Variants in NRXN1 observed in about 807,000 individuals in gnomAD.
The protein encoded by NRXN1 is neurexin-1.
A neutral mutation model predicts 150.9 loss-of-function variants in NRXN1; 39 were observed. The observed-to-expected ratio is 0.26, with a 90% CI of 0.20 to 0.34. The LOEUF (loss-of-function observed/expected upper bound fraction) is 0.34, where lower values mean the gene tolerates loss of function less well. Among genes scored for constraint, NRXN1 ranks in the 10% least tolerant of loss-of-function variants. The pLI, the probability that NRXN1 is intolerant of heterozygous loss-of-function variation, is 1.00. For missense variants in NRXN1, 1,815 were observed against 1,949.9 expected, an observed-to-expected ratio of 0.93 and a Z score of 1.30; for synonymous variants, 924 against 757.0, an observed-to-expected ratio of 1.22 and a Z score of -3.62.
intron 21 of NRXN1, among the ~76,000 whole-genome samples, chr2:49,976,433 G>A (rs1679004814): frequency 6.6e-6 from 1 of 152,056 alleles, no homozygotes; most frequent in African/African-American, 2.4e-5. Context: ...CTGAGACATA[G>A]TTTTATTAGG....
At chr2:50,923,940 C>G (rs150558495) in intron 3 of NRXN1, among the ~76,000 whole-genome samples, 296 of 151,824 alleles carry the variant, frequency 1.9e-3, no homozygotes, top group African/African-American at 6.9e-3. Context: ...AGTGTGATGC[C>G]TCTGAACTGT....
intron 22 of NRXN1, among the ~76,000 whole-genome samples, chr2:49,929,198 C>T (rs1319880562): frequency 1.3e-5 from 2 of 152,106 alleles, no homozygotes; most frequent in African/African-American, 4.8e-5. Context: ...AGAAACCCAA[C>T]TAGGACAGGC....
chr2:50,242,772 G>A (rs1017529206), intron 17 of NRXN1, among the ~76,000 whole-genome samples: 4 of 151,842 alleles, frequency 2.6e-5, no homozygotes, highest in South Asian at 2.1e-4. Context: ...TCTGGTGGGA[G>A]GGGCAGACAA....
intron 21 of NRXN1, among the ~76,000 whole-genome samples, chr2:49,987,009 G>C (rs1038421731): frequency 5.3e-5 from 8 of 151,816 alleles, no homozygotes; most frequent in Non-Finnish European, 1.2e-4. Context: ...AGGCTGCAGT[G>C]AGCCACTGCG....
chr2:50,489,501 C>T (rs1415089366), intron 15 of NRXN1, among the ~76,000 whole-genome samples: 1 of 139,474 alleles, frequency 7.2e-6, no homozygotes, highest in Non-Finnish European at 1.5e-5. Context: ...ATCTTCTGAG[C>T]TATGGTAAAG....
chr2:50,266,210 G>C (rs965909826), intron 17 of NRXN1, among the ~76,000 whole-genome samples: 1 of 149,118 alleles, frequency 6.7e-6, no homozygotes, highest in African/African-American at 2.4e-5. Context: ...TGTTGGCCGG[G>C]TTGGTCTTGA....
chr2:50,116,571 C>T (rs1703099538), intron 18 of NRXN1, among the ~76,000 whole-genome samples: 1 of 151,952 alleles, frequency 6.6e-6, no homozygotes, highest in Admixed American at 6.6e-5. Flanking sequence ...AGTAAGTTAC[C>T]AAAGTTGCTT....
At chr2:50,834,578 T>C (rs1671848538) in intron 5 of NRXN1, among the ~76,000 whole-genome samples, 1 of 152,166 alleles carries the variant, frequency 6.6e-6, no homozygotes, top group Admixed American at 6.5e-5. Flanking sequence ...GAATAATTGG[T>C]ACGTGATCTC....
At chr2:50,375,625 C>G (rs1037244482) in intron 17 of NRXN1, among the ~76,000 whole-genome samples, 6 of 150,534 alleles carry the variant, frequency 4.0e-5, no homozygotes, top group Non-Finnish European at 8.9e-5. Context: ...TGAAAGTAAG[C>G]TTGCTTATAG....
chr2:50,925,041 T>C (rs567493146), intron 3 of NRXN1, among the ~76,000 whole-genome samples: 1 of 151,954 alleles, frequency 6.6e-6, no homozygotes, highest in South Asian at 2.1e-4. Context: ...CATATACAAA[T>C]ATTAGTAAAT....
chr2:50,872,239 G>A (rs887063131), intron 5 of NRXN1, among the ~76,000 whole-genome samples: 1 of 151,822 alleles, frequency 6.6e-6, no homozygotes, highest in African/African-American at 2.4e-5. Context: ...TTTTGTGGGA[G>A]AGAGAGATGT....
chr2:50,969,689 A>T (rs1694705039), intron 2 of NRXN1, among the ~76,000 whole-genome samples: 1 of 152,194 alleles, frequency 6.6e-6, no homozygotes, highest in African/African-American at 2.4e-5. Context: ...CAATTGAGGC[A>T]ACTCTTTAAT....
intron 18 of NRXN1, among the ~76,000 whole-genome samples, chr2:50,139,257 C>A (rs1706885711): frequency 7.1e-6 from 1 of 141,550 alleles, no homozygotes; most frequent in African/African-American, 2.7e-5. Flanking sequence ...TCCTGGGAGG[C>A]AGAGGTTGCA....
In NRXN1 at chr2:50,245,642, A is replaced by G. The variant is rs371411723; in HGVS notation, c.3365-8672T>C. The stretch of plus-strand genomic sequence containing the variant: ...CGGTAGAAGTTGTAGTTGCCTAGCA[A>G]TGTCCTTTAACTTACTTATTTCAAA... On this transcript the variant is annotated intron_variant, in intron 17 of 22. Coordinates refer to ENST00000401669, the MANE Select transcript of NRXN1 (RefSeq NM_001330078.2). Among the ~76,000 whole-genome samples the G allele has an allele frequency of 1.0e-3, 153 of 152,030 alleles. 1 individual carries two copies. The highest frequency in any genetic ancestry group is 3.5e-3 in the African/African-American group (147 of 41,544).
intron 5 of NRXN1, among the ~76,000 whole-genome samples, chr2:50,775,626 T>C (rs1216087310): frequency 1.3e-5 from 2 of 152,106 alleles, no homozygotes; most frequent in African/African-American, 4.8e-5. Context: ...AGATAATTTA[T>C]TAGAGGACAC....
chr2:50,490,734 ATGGATTAGGGAGCAG>A (rs1206912384), intron 15 of NRXN1, among the ~76,000 whole-genome samples: 5 of 152,266 alleles, frequency 3.3e-5, no homozygotes, highest in Non-Finnish European at 5.9e-5. Context: ...CGGTGGGGCA[ATGGATTAGGGAGCAG>A]TGAACATGTG....
chr2:50,676,943 G>C (rs1276133517), intron 5 of NRXN1, among the ~76,000 whole-genome samples: 1 of 152,132 alleles, frequency 6.6e-6, no homozygotes. Context: ...TGGTAAGTGT[G>C]AATAAAATAA....
At chr2:50,175,795 A>G (rs1033136100) in intron 18 of NRXN1, among the ~76,000 whole-genome samples, 11 of 152,110 alleles carry the variant, frequency 7.2e-5, no homozygotes, top group African/African-American at 2.7e-4. Context: ...TAAACACACA[A>G]ATCTTCCCAT....
At chr2:50,119,182 A>G (rs1294324704) in intron 18 of NRXN1, among the ~76,000 whole-genome samples, 1 of 152,132 alleles carries the variant, frequency 6.6e-6, no homozygotes, top group Non-Finnish European at 1.5e-5. Flanking sequence ...ACTTTTGTCT[A>G]GTTTACGCTT....
Sources: gnomAD v4.1 joint callset for allele counts (sites outside exome capture counted in the v4.1 genomes callset) on GRCh38, gnomAD v4.1.1 for gene constraint, MANE v1.5 for transcripts, NCBI Gene and HGNC (gene_info 2026-07-23, HGNC 2026-07-21) for gene names.